The following SLC24A2 variants were observed in gnomAD, a reference collection of about 807,000 sequenced individuals.
SLC24A2 encodes sodium/potassium/calcium exchanger 2.
Under a neutral mutation model 62.0 loss-of-function variants are expected in SLC24A2, and 36 were observed. That is an observed-to-expected ratio of 0.58 (90% CI 0.44 to 0.77). The LOEUF is 0.77. SLC24A2 is among the 30% of genes least tolerant of loss of function. The pLI is 0.00. For synonymous variants in SLC24A2, 358 were observed against 294.0 expected, an observed-to-expected ratio of 1.22 and a Z score of -2.23; for missense variants, 846 against 817.9, an observed-to-expected ratio of 1.03 and a Z score of -0.42.
the SLC24A2 span, among the ~76,000 whole-genome samples, chr9:20,156,938 T>C: frequency 1.3e-5 from 2 of 151,912 alleles, no homozygotes; most frequent in South Asian, 2.1e-4. Context: ...CAAGTTGTAA[T>C]TGGTTTTCCA....
chr9:19,556,246 C>T (rs1431022290), intron 7 of SLC24A2, among the ~76,000 whole-genome samples: 1 of 152,120 alleles, frequency 6.6e-6, no homozygotes, highest in Non-Finnish European at 1.5e-5. Context: ...TACACTTTTT[C>T]CATTTGAATT....
the SLC24A2 span, among the ~76,000 whole-genome samples, chr9:20,120,729 G>A: frequency 6.6e-6 from 1 of 151,966 alleles, no homozygotes; most frequent in Admixed American, 6.6e-5. Context: ...ATAAGGAAAA[G>A]CAGCAGCTTT....
chr9:19,670,537 C>A (rs913005313), intron 2 of SLC24A2, among the ~76,000 whole-genome samples: 1 of 152,092 alleles, frequency 6.6e-6, no homozygotes, highest in African/African-American at 2.4e-5. Flanking sequence ...TTTATTTATT[C>A]CTTATGACAA....
intron 2 of SLC24A2, among the ~76,000 whole-genome samples, chr9:19,775,649 T>A (rs1038888210): frequency 9.9e-6 from 1 of 101,454 alleles, no homozygotes; most frequent in Non-Finnish European, 2.6e-5. Flanking sequence ...GGCTCTGAAA[T>A]GCTAAATAAA....
rs767424593 is a variant in SLC24A2 at position 19,509,560 on chromosome 9, TAAAA to T, written c.*6589_*6592del. On this transcript the variant is annotated 3_prime_UTR_variant, in exon 11 of 11. Transcript: ENST00000341998. ...ACTATAAAGTGCAATATTAAAAAAT[TAAAA>T]AACCCAAAAGGCATCCATTGTCCTT... 6.6e-6 allele frequency: 1 copy of T among 152,164 alleles called. No individual in the cohort carries two copies. Among genetic ancestry groups the T allele is most frequent in the Non-Finnish European group, 1.5e-5 (1 of 68,022 alleles). 9.4% of individuals were successfully genotyped at this position (152,164 alleles called of 1,614,324 possible).
the SLC24A2 span, among the ~76,000 whole-genome samples, chr9:20,078,279 A>G: frequency 6.6e-6 from 1 of 151,992 alleles, no homozygotes; most frequent in Non-Finnish European, 1.5e-5. Flanking sequence ...CTATTAAAGG[A>G]CTGCCCAATT....
chr9:19,868,176 T>G, the SLC24A2 span, among the ~76,000 whole-genome samples: 181 of 152,208 alleles, frequency 1.2e-3, 1 homozygote, highest in African/African-American at 3.9e-3. Context: ...ATAGTAAGCA[T>G]TATGCAACCC....
At chr9:19,891,608 T>C in the SLC24A2 span, among the ~76,000 whole-genome samples, 1 of 152,088 alleles carries the variant, frequency 6.6e-6, no homozygotes, top group Non-Finnish European at 1.5e-5. Flanking sequence ...GGGCTTGGCA[T>C]AGTGACTCAT....
chr9:20,295,079 CACAT>C, the SLC24A2 span, among the ~76,000 whole-genome samples: 34 of 148,782 alleles, frequency 2.3e-4, no homozygotes, highest in East Asian at 2.7e-3. Context: ...CACACACACA[CACAT>C]ACACAGTGTG....
chr9:20,185,733 C>T, the SLC24A2 span, among the ~76,000 whole-genome samples: 3 of 151,310 alleles, frequency 2.0e-5, no homozygotes, highest in East Asian at 3.9e-4. Context: ...CTACTGAAGG[C>T]GGTCCTGATA....
intron 2 of SLC24A2, among the ~76,000 whole-genome samples, chr9:19,763,937 G>T (rs1259641774): frequency 6.6e-6 from 1 of 152,096 alleles, no homozygotes; most frequent in Admixed American, 6.5e-5. Context: ...GAATCCATCT[G>T]GTCCCGGGCT....
At chr9:20,220,535 C>G in the SLC24A2 span, among the ~76,000 whole-genome samples, 2 of 152,102 alleles carry the variant, frequency 1.3e-5, no homozygotes, top group African/African-American at 4.8e-5. Context: ...ATGTATTTGT[C>G]AGGATTTGTT....
intron 2 of SLC24A2, among the ~76,000 whole-genome samples, chr9:19,728,782 C>T (rs1160675456): frequency 6.6e-6 from 1 of 152,092 alleles, no homozygotes; most frequent in Non-Finnish European, 1.5e-5. Context: ...TAACTCTAGG[C>T]TAGAAGGTTT....
the SLC24A2 span, among the ~76,000 whole-genome samples, chr9:20,061,611 G>A: frequency 6.6e-6 from 1 of 152,120 alleles, no homozygotes; most frequent in African/African-American, 2.4e-5. Flanking sequence ...TAACAAAAGT[G>A]CCAAGACAAT....
intron 2 of SLC24A2, among the ~76,000 whole-genome samples, chr9:19,750,832 T>C (rs1821961654): frequency 6.6e-6 from 1 of 152,162 alleles, no homozygotes; most frequent in Non-Finnish European, 1.5e-5. Context: ...TGCCATCTGA[T>C]GCTCTTCCAC....
chr9:19,648,589 A>C (rs1234582905), intron 2 of SLC24A2, among the ~76,000 whole-genome samples: 1 of 152,238 alleles, frequency 6.6e-6, no homozygotes, highest in Non-Finnish European at 1.5e-5. Context: ...ACCTGTAGAA[A>C]GAAAGCCCAG....
At chr9:19,660,999 T>C (rs1297137424) in intron 2 of SLC24A2, among the ~76,000 whole-genome samples, 1 of 152,158 alleles carries the variant, frequency 6.6e-6, no homozygotes, top group Admixed American at 6.5e-5. Context: ...CCCAGTGGGG[T>C]ATGGCTAGTA....
chr9:20,211,379 G>A, the SLC24A2 span, among the ~76,000 whole-genome samples: 1 of 152,124 alleles, frequency 6.6e-6, no homozygotes, highest in Non-Finnish European at 1.5e-5. Flanking sequence ...GGGTATGGTG[G>A]CACATGCCTG....
chr9:19,574,150 A>G (rs978057057), intron 6 of SLC24A2, among the ~76,000 whole-genome samples: 4 of 152,172 alleles, frequency 2.6e-5, no homozygotes, highest in Non-Finnish European at 5.9e-5. Context: ...CTGTGAGTGG[A>G]AACTCTTCCA....
Sources: gnomAD v4.1 joint callset for allele counts (sites outside exome capture counted in the v4.1 genomes callset) on GRCh38, gnomAD v4.1.1 for gene constraint, MANE v1.5 for transcripts, NCBI Gene and HGNC (gene_info 2026-07-23, HGNC 2026-07-21) for gene names.